The following PTK7 variants were observed in gnomAD, a reference collection of about 807,000 sequenced individuals.
PTK7 encodes the protein inactive tyrosine-protein kinase 7.
Under a neutral mutation model 116.6 loss-of-function variants are expected in PTK7, and 39 were observed. The observed-to-expected ratio is 0.33, with a 90% confidence interval of 0.26 to 0.44. The LOEUF is 0.44. Among genes scored for constraint, PTK7 ranks in the 20% least tolerant of loss-of-function variants. The pLI is 1.00. For missense variants in PTK7, 1,169 were observed against 1,425.6 expected (o/e 0.82, Z 2.90); for synonymous variants, 546 against 563.6 (o/e 0.97, Z 0.44).
Position 43,139,392 on chromosome 6 carries a change from C to A in PTK7, c.1499-14C>A, listed in dbSNP as rs545149626. 1.9e-6 allele frequency: 3 copies of A among 1,614,096 alleles called. No individual in the cohort carries two copies. The highest frequency in any genetic ancestry group is 4.5e-5 in the East Asian group (2 of 44,892). Reference sequence around the variant, plus strand: ...CCAATTCCTCGTCTTTCTACCCACCCTCTGCTGAAACAGAAAAGCTCAAGT... The same window carrying A: ...CCAATTCCTCGTCTTTCTACCCACCATCTGCTGAAACAGAAAAGCTCAAGT... On this transcript the variant is annotated splice_polypyrimidine_tract_variant and intron_variant, in intron 9 of 19. Transcript: ENST00000230419. This position sits in a 1 kb window ranked among gnomAD's most constrained non-coding sequence, Gnocchi z 4.6.
chr6:43,113,904 A>G (rs1458181943), intron 1 of PTK7, among the ~76,000 whole-genome samples: 1 of 152,168 alleles, frequency 6.6e-6, no homozygotes, highest in East Asian at 1.9e-4. Context: ...TGGTGTATAT[A>G]TAGAGCCTCC....
Position 43,141,667 on chromosome 6 carries a change from G to A in PTK7, c.1619-1G>A. The A allele has an allele frequency of 1.2e-6, 2 of 1,613,896 alleles. No homozygotes were observed. Among genetic ancestry groups the A allele is most frequent in the East Asian group, 4.5e-5 (2 of 44,872 alleles). ...ATAATTTCCCTTTGTTACCCCTGCA[G>A]ATGGGAGCAGCCTCCCAGAGTGGGT... On this transcript the variant is annotated splice_acceptor_variant, in intron 10 of 19. Transcript: ENST00000230419. LOFTEE classifies it high-confidence loss of function. This position sits in a 1 kb window ranked among gnomAD's most constrained non-coding sequence, Gnocchi z 4.9.
At chr6:43,147,657 G>C in intron 17 of PTK7, among the ~76,000 whole-genome samples, 1 of 152,222 alleles carries the variant, frequency 6.6e-6, no homozygotes, top group East Asian at 1.9e-4. Context: ...GATGAATCAG[G>C]TGAATGGGAC....
chr6:43,107,181 C>T (rs1002199993), intron 1 of PTK7, among the ~76,000 whole-genome samples: 1 of 152,170 alleles, frequency 6.6e-6, no homozygotes, highest in African/African-American at 2.4e-5. Flanking sequence ...TCCTCGACCT[C>T]CCAAAGTGCT....
rs537354832 is a variant in PTK7 at position 43,155,526 on chromosome 6, C to T, written c.2722-3291C>T. Among the ~76,000 whole-genome samples, 12 of 151,898 alleles carry T rather than the reference C, an allele frequency of 7.9e-5. No individual in the cohort carries two copies. In the East Asian group the frequency reaches 1.9e-3, roughly 25 times the overall value. ...GGGCGTGGTGGTATGTGCCTGTAAACCCAGCTACTCGGGAGGTTGAGGCAG... is the reference window on the plus strand; with the variant it reads ...GGGCGTGGTGGTATGTGCCTGTAAATCCAGCTACTCGGGAGGTTGAGGCAG... On this transcript the variant is annotated intron_variant, in intron 17 of 19. Transcript: ENST00000230419.
intron 1 of PTK7, among the ~76,000 whole-genome samples, chr6:43,106,905 C>CTCGCCTGG (rs1767921456): frequency 1.4e-5 from 2 of 146,412 alleles, no homozygotes; most frequent in African/African-American, 2.6e-5. Flanking sequence ...TGTGAGCCAC[C>CTCGCCTGG]ATGCCCAGCC....
intron 7 of PTK7, among the ~76,000 whole-genome samples, chr6:43,134,734 C>T (rs781629238): frequency 6.6e-6 from 1 of 150,776 alleles, no homozygotes; most frequent in Non-Finnish European, 1.5e-5. Context: ...GAGTCGAGAT[C>T]GTGCCATTGC....
At chr6:43,121,354 C>T (rs867557817) in intron 1 of PTK7, among the ~76,000 whole-genome samples, 1 of 152,182 alleles carries the variant, frequency 6.6e-6, no homozygotes, top group South Asian at 2.1e-4. Context: ...CTGCCCCAGT[C>T]CTTGGTGATC....
At position 43,130,390 on chromosome 6, in the gene PTK7, A is replaced by G. The variant is rs1341686406; in HGVS notation, c.631A>G (p.Ser211Gly). The G allele has an allele frequency of 9.9e-6, 16 of 1,609,152 alleles. No homozygotes were observed. Among genetic ancestry groups the G allele is most frequent in the Non-Finnish European group, 1.4e-5 (16 of 1,176,724 alleles). Reference protein sequence around the residue: ...CAHSAFGQACSSQNFTLSIAD... With the variant: ...CAHSAFGQACGSQNFTLSIAD... ...CCACAGTGCTTTTGGCCAGGCTTGC[A>G]GCAGCCAGAACTTCACCTTGAGCAT... The change falls in exon 4 of 20, where the codon AGC (serine) becomes GGC (glycine). Residue 211 changes from serine to glycine, a missense_variant. This residue lies in a region of PTK7 where 487 missense variants were observed against 549.8 expected (regional missense o/e 0.89). Transcript: ENST00000230419.
In PTK7 at chr6:43,141,807, C is replaced by T. The variant is rs151180719; in HGVS notation, c.1758C>T (p.Leu586=). ...PQGQIRAHVQ[L]TVAVFITFKV... Reference sequence around the variant, plus strand: ...GCCAGATTCGTGCCCATGTCCAGCTCACTGTGGCAGGTGCGACCGTGGCAG... The same window carrying T: ...GCCAGATTCGTGCCCATGTCCAGCTTACTGTGGCAGGTGCGACCGTGGCAG... Residue 586 remains leucine, a synonymous_variant, in exon 11 of 20, where the codon CTC becomes CTT. Transcript: ENST00000230419. The surrounding 1 kb of genome is among the most constrained non-coding windows in gnomAD (Gnocchi z 4.9). The T allele has an allele frequency of 2.0e-5, 32 of 1,613,680 alleles. No individual in the cohort carries two copies. In the African/African-American group the frequency reaches 2.8e-4, roughly 14 times the overall value.
intron 5 of PTK7, chr6:43,131,596 A>G (rs2150432732): frequency 4.8e-6 from 1 of 209,744 alleles, no homozygotes. Context: ...AAACCATCAG[A>G]TCTCGTGAGA....
At position 43,143,537 on chromosome 6, in the gene PTK7, T is replaced by G. The variant is rs776059167; in HGVS notation, c.2168T>G (p.Met723Arg). Residue 723 changes from methionine to arginine, a missense_variant, in exon 14 of 20, where the codon ATG becomes AGG. Physicochemically the swap from Met to Arg is moderately conservative, Grantham distance 91. This residue lies in a region of PTK7 where 678 missense variants were observed against 853.8 expected (regional missense o/e 0.79). Coordinates refer to ENST00000230419, the MANE Select transcript of PTK7 (RefSeq NM_002821.5). This position sits in a 1 kb window ranked among gnomAD's most constrained non-coding sequence, Gnocchi z 4.2. ...VAYIIAVLGLMFYCKKRCKAK... is the reference protein window; with the variant it reads ...VAYIIAVLGLRFYCKKRCKAK... ...TACATCATTGCCGTGCTGGGCCTCA[T>G]GTTCTACTGCAAGAAGCGCTGCAAA... 20 of 1,614,044 alleles carry G rather than the reference T, an allele frequency of 1.2e-5. No individual in the cohort carries two copies. Among genetic ancestry groups the G allele is most frequent in the East Asian group, 4.5e-5 (2 of 44,880 alleles).
In PTK7 at chr6:43,139,666, T is replaced by C; in HGVS notation, c.1618+141T>C. The C allele has an allele frequency of 1.5e-6, 2 of 1,364,276 alleles. No individual in the cohort carries two copies. Among genetic ancestry groups the C allele is most frequent in the Non-Finnish European group, 2.0e-6 (2 of 1,017,818 alleles). 84.5% of individuals were successfully genotyped at this position (1,364,276 alleles called of 1,614,324 possible). A position where few individuals can be genotyped will look rare whatever the true frequency, so the allele number is the denominator to read the frequency against. ...AGTGCAGGGCTGATGTATAGTTTAG[T>C]TAGGAAGGAAAAAGCCAGACACAGA... On this transcript the variant is annotated intron_variant, in intron 10 of 19. Coordinates refer to ENST00000230419, the MANE Select transcript of PTK7 (RefSeq NM_002821.5). The surrounding 1 kb of genome is among the most constrained non-coding windows in gnomAD (Gnocchi z 4.6).
chr6:43,093,660 A>G (rs1767080732), intron 1 of PTK7, among the ~76,000 whole-genome samples: 1 of 152,102 alleles, frequency 6.6e-6, no homozygotes, highest in South Asian at 2.1e-4. Flanking sequence ...GTGCTACCCA[A>G]GCATTGCTGA....
intron 14 of PTK7, 117 bp from the exon 15 acceptor site, chr6:43,144,334 A>C: frequency 8.1e-7 from 1 of 1,241,836 alleles, no homozygotes; most frequent in Admixed American, 1.8e-5. Context: ...TTTCATGTGG[A>C]GCACTGTGAT....
intron 1 of PTK7, among the ~76,000 whole-genome samples, chr6:43,128,562 A>G (rs1187651163): frequency 6.6e-6 from 1 of 152,194 alleles, no homozygotes; most frequent in Non-Finnish European, 1.5e-5. Context: ...AGGTGGGCAG[A>G]TCACCTGAGG....
Position 43,139,413 on chromosome 6 carries a change from C to G in PTK7, c.1506C>G (p.Leu502=), listed in dbSNP as rs1438526085. The change falls in exon 10 of 20, where the codon CTC becomes CTG. Residue 502 remains leucine, a synonymous_variant. Coordinates refer to ENST00000230419, the MANE Select transcript of PTK7 (RefSeq NM_002821.5). This position sits in a 1 kb window ranked among gnomAD's most constrained non-coding sequence, Gnocchi z 4.6. Reference sequence around the variant, plus strand: ...CACCCTCTGCTGAAACAGAAAAGCTCAAGTTCACACCACCACCCCAGCCAC... The same window carrying G: ...CACCCTCTGCTGAAACAGAAAAGCTGAAGTTCACACCACCACCCCAGCCAC... ...AQARVQVLEK[L]KFTPPPQPQQ... 1.2e-6 allele frequency: 2 copies of G among 1,614,224 alleles called. No individual in the cohort carries two copies. The highest frequency in any genetic ancestry group is 2.2e-5 in the East Asian group (1 of 44,886).
In PTK7 at chr6:43,116,604, T is replaced by TTGTGTGTG. The variant is rs751605217; in HGVS notation, c.80-12332_80-12325dup. On this transcript the variant is annotated intron_variant, in intron 1 of 19. Transcript: ENST00000230419. ...AGGAAGAAGGCCAGGAAAAGCTGGT[T>TTGTGTGTG]TGTGTGTGTGTGTGTGTGTGTGTGT... 3.7e-3 allele frequency among the ~76,000 whole-genome samples: 439 copies of TTGTGTGTG among 119,130 alleles called. 1 individual carries two copies. Among genetic ancestry groups the TTGTGTGTG allele is most frequent in the East Asian group, 0.012 (45 of 3,840 alleles). 78.2% of individuals were successfully genotyped at this position (119,130 alleles called of 152,430 possible).
At position 43,129,608 on chromosome 6, in the gene PTK7, C is replaced by T; in HGVS notation, c.368-119C>T. ...CCCCAGCCTCAGCCTCCAGGGCTTCCTTGTGTCTGTTGGCACAGAGCCTCG... is the reference window on the plus strand; with the variant it reads ...CCCCAGCCTCAGCCTCCAGGGCTTCTTTGTGTCTGTTGGCACAGAGCCTCG... On this transcript the variant is annotated intron_variant, in intron 2 of 19. Transcript: ENST00000230419. This position sits in a 1 kb window ranked among gnomAD's most constrained non-coding sequence, Gnocchi z 4.5. The T allele has an allele frequency of 1.1e-6, 1 of 893,110 alleles. No homozygotes were observed. 55.3% of individuals were successfully genotyped at this position (893,110 alleles called of 1,614,324 possible).
Sources: gnomAD v4.1 joint callset for allele counts (sites outside exome capture counted in the v4.1 genomes callset) on GRCh38, gnomAD v4.1.1 for gene constraint, gnomAD v4.1.1 regional missense constraint, Gnocchi (gnomAD v3.1) non-coding constraint, MANE v1.5 for transcripts, NCBI Gene and HGNC (gene_info 2026-07-23, HGNC 2026-07-21) for gene names.